The following VPS53 variants were observed in gnomAD, a reference collection of about 807,000 sequenced individuals.
The protein encoded by VPS53 is VPS53 subunit of GARP complex.
Under a neutral mutation model 107.0 loss-of-function variants are expected in VPS53, and 70 were observed. The ratio of observed to expected loss-of-function variants is 0.65; its 90% CI spans 0.54 to 0.80. The LOEUF (loss-of-function observed/expected upper bound fraction) is 0.80. Among genes scored for constraint, VPS53 ranks in the 30% least tolerant of loss-of-function variants. VPS53 has a pLI of 0.00. For missense variants in VPS53, 917 were observed against 1,049.4 expected, an observed-to-expected ratio of 0.87 and a Z score of 1.74; for synonymous variants, 409 against 393.3, an observed-to-expected ratio of 1.04 and a Z score of -0.47.
intron 7 of VPS53, among the ~76,000 whole-genome samples, chr17:646,475 G>A (rs928707695): frequency 2.2e-5 from 3 of 138,262 alleles, no homozygotes; most frequent in African/African-American, 7.7e-5. Context: ...GTGACCGCGT[G>A]GCCACTGCCT....
rs1386213795 is a variant in VPS53, at chr17:518,865, G to A, written c.*263C>T. 1 of 356,422 alleles carries A rather than the reference G, an allele frequency of 2.8e-6. No individual in the cohort carries two copies. The highest frequency in any genetic ancestry group is 5.0e-6 in the Non-Finnish European group (1 of 198,792). 22.1% of individuals were successfully genotyped at this position (356,422 alleles called of 1,614,324 possible). A position where few individuals can be genotyped will look rare whatever the true frequency, so the allele number is the denominator to read the frequency against. Reference sequence around the variant, plus strand: ...GGCTACATGAGTCAAGGGCAGCTCAGGGACCTATCCTCCACTGCTGCCTCT... The same window carrying A: ...GGCTACATGAGTCAAGGGCAGCTCAAGGACCTATCCTCCACTGCTGCCTCT... On this transcript the variant is annotated 3_prime_UTR_variant, in exon 22 of 22. Coordinates refer to ENST00000437048, the MANE Select transcript of VPS53 (RefSeq NM_001128159.3).
Position 519,129 on chromosome 17 carries a change from T to C in VPS53, c.2498A>G (p.Ter833TrpextTer63). Residue 833 changes from the stop codon to tryptophan, a stop_lost, in exon 22 of 22, where the codon TAG becomes TGG. Coordinates refer to ENST00000437048, the MANE Select transcript of VPS53 (RefSeq NM_001128159.3). The surrounding 1 kb of genome is among the most constrained non-coding windows in gnomAD (Gnocchi z 5.0). ...KLEKLIKKRL[*>W] ...GGAGCAAAGGGCCCCTTGCTGCTGC[T>C]ACAGTCTCTTTTTAATGAGTTTCTC... 1 of 1,509,836 alleles carries C rather than the reference T, an allele frequency of 6.6e-7. No individual in the cohort carries two copies. The highest frequency in any genetic ancestry group is 8.9e-7 in the Non-Finnish European group (1 of 1,127,166). The allele number at this position is 1,509,836 out of a possible 1,614,324, so 93.5% of individuals were successfully genotyped here.
intron 10 of VPS53, among the ~76,000 whole-genome samples, chr17:624,267 A>G (rs1969595852): frequency 6.6e-6 from 1 of 152,218 alleles, no homozygotes; most frequent in South Asian, 2.1e-4. Flanking sequence ...TAATTTCACA[A>G]GTCATTAATT....
At chr17:595,591 G>A (rs377626930) in intron 12 of VPS53, among the ~76,000 whole-genome samples, 1 of 28,366 alleles carries the variant, frequency 3.5e-5, no homozygotes, top group East Asian at 1.5e-3. Context: ...TTCCTGGTTT[G>A]ATGATGCACT....
intron 19 of VPS53, among the ~76,000 whole-genome samples, chr17:528,497 T>C (rs1445698279): frequency 1.3e-5 from 2 of 152,168 alleles, no homozygotes; most frequent in Non-Finnish European, 2.9e-5. Context: ...CATCAGCTGA[T>C]GGACATTTGA....
intron 4 of VPS53, among the ~76,000 whole-genome samples, chr17:683,207 G>A (rs539056162): frequency 2.0e-5 from 3 of 151,474 alleles, no homozygotes; most frequent in Non-Finnish European, 4.4e-5. Flanking sequence ...GAGGAAGAGA[G>A]AACACAACAG....
At chr17:617,083 C>T (rs575600261) in intron 11 of VPS53, among the ~76,000 whole-genome samples, 4 of 152,324 alleles carry the variant, frequency 2.6e-5, no homozygotes, top group African/African-American at 9.6e-5. Context: ...ATTTCCCGTC[C>T]GGTTATCTGG....
chr17:656,785 C>T (rs981343587), intron 5 of VPS53: 71 of 1,271,760 alleles, frequency 5.6e-5, no homozygotes, highest in South Asian at 3.6e-5. Flanking sequence ...ATGTCACCCA[C>T]GGACCATTTC....
rs373382134 is a variant in VPS53 at position 647,834 on chromosome 17, T to C, written c.608+5457A>G. Among the ~76,000 whole-genome samples the C allele has an allele frequency of 2.6e-4, 40 of 152,314 alleles. 2 individuals are homozygous for C. The highest frequency in any genetic ancestry group is 5.5e-4 in the African/African-American group (23 of 41,562). On this transcript the variant is annotated intron_variant, in intron 7 of 21. Transcript: ENST00000437048. ...CCAAATCCAGACAAGAAAAGTGGTA[T>C]ACTAGAAGCCTGAGGACTTCCTGGT...
chr17:557,331 A>G (rs1266747812), intron 15 of VPS53, among the ~76,000 whole-genome samples: 1 of 152,070 alleles, frequency 6.6e-6, no homozygotes, highest in African/African-American at 2.4e-5. Flanking sequence ...TAAGGACAAC[A>G]GTCATTAGAT....
At chr17:576,001 C>G (rs1467161992) in intron 13 of VPS53, among the ~76,000 whole-genome samples, 1 of 152,154 alleles carries the variant, frequency 6.6e-6, no homozygotes, top group Non-Finnish European at 1.5e-5. Context: ...GAGAACCTCC[C>G]TCAGAACCTA....
At chr17:602,401 GATTT>G (rs1968369889) in intron 11 of VPS53, among the ~76,000 whole-genome samples, 2 of 152,222 alleles carry the variant, frequency 1.3e-5, no homozygotes, top group African/African-American at 4.8e-5. Flanking sequence ...GTGCCAGATG[GATTT>G]CAACGCAAGA....
Position 714,640 on chromosome 17 carries a change from G to A in VPS53, c.70C>T (p.Gln24Ter). ...ACGCTTACCTGCTCGATGGCCAGCTGCACCTCGGGCGTGAGCTGCAGCACG... is the reference window on the plus strand; with the variant it reads ...ACGCTTACCTGCTCGATGGCCAGCTACACCTCGGGCGTGAGCTGCAGCACG... ...EAVLQLTPEV[Q>*]LAIEQVFPSQ... Residue 24 changes from glutamine (Q) to a stop codon, truncating the protein, a stop_gained, in exon 1 of 22, where the codon CAG becomes TAG. Transcript: ENST00000437048. LOFTEE classifies it high-confidence loss of function. 6.2e-7 allele frequency: 1 copy of A among 1,612,354 alleles called. No homozygotes were observed. The highest frequency in any genetic ancestry group is 1.1e-5 in the South Asian group (1 of 91,032).
intron 11 of VPS53, among the ~76,000 whole-genome samples, chr17:606,455 C>T (rs752439818): frequency 3.3e-5 from 5 of 152,150 alleles, no homozygotes; most frequent in East Asian, 1.9e-4. Context: ...GCGTGTCAGG[C>T]GTGAGCTACA....
At chr17:591,891 G>C (rs1465678375) in intron 12 of VPS53, among the ~76,000 whole-genome samples, 1 of 152,172 alleles carries the variant, frequency 6.6e-6, no homozygotes, top group East Asian at 1.9e-4. Context: ...GGAGAGTTCT[G>C]TAGATGTCTA....
At chr17:527,093 T>C (rs1411406766) in intron 19 of VPS53, among the ~76,000 whole-genome samples, 2 of 152,204 alleles carry the variant, frequency 1.3e-5, no homozygotes, top group Non-Finnish European at 2.9e-5. Context: ...ACACCACGTA[T>C]GCCATTTGAT....
chr17:702,627 C>A (rs1439712215), intron 2 of VPS53, among the ~76,000 whole-genome samples: 1 of 152,126 alleles, frequency 6.6e-6, no homozygotes, highest in Non-Finnish European at 1.5e-5. Context: ...GATCGCGCCA[C>A]TGCACTCCAG....
In VPS53 at chr17:595,963, T is replaced by C. The variant is rs558970182; in HGVS notation, c.1218+5832A>G. On this transcript the variant is annotated intron_variant, in intron 12 of 21. Coordinates refer to ENST00000437048, the MANE Select transcript of VPS53 (RefSeq NM_001128159.3). ...TTCCTCGTTTGATGATGCACTCTAG[T>C]GTCCCCCTGGAGGAAGCTGGGAGAT... Among the ~76,000 whole-genome samples the C allele has an allele frequency of 5.5e-5, 8 of 146,666 alleles. No homozygotes were observed. The East Asian group carries it at 1.7e-3, about 32-fold the overall frequency.
Position 562,454 on chromosome 17 carries a change from A to G in VPS53, c.1556+49T>C, listed in dbSNP as rs760770498. On this transcript the variant is annotated intron_variant, in intron 14 of 21. Transcript: ENST00000437048. ...CAGAGTGGATTTCCTTAAGATTCCCATATTTAGGTCTATTTGCCACCACTC... is the reference window on the plus strand; with the variant it reads ...CAGAGTGGATTTCCTTAAGATTCCCGTATTTAGGTCTATTTGCCACCACTC... 5 of 1,602,104 alleles carry G rather than the reference A, an allele frequency of 3.1e-6. No individual in the cohort carries two copies. In the South Asian group the frequency reaches 5.5e-5, roughly 18 times the overall value.
Sources: allele counts gnomAD v4.1 joint callset (sites outside exome capture counted in the v4.1 genomes callset), GRCh38; gene constraint gnomAD v4.1.1; non-coding constraint Gnocchi (gnomAD v3.1); transcripts MANE v1.5; gene names NCBI Gene and HGNC (gene_info 2026-07-23, HGNC 2026-07-21).